Variants in RYR2 observed in about 807,000 individuals in gnomAD.
The protein encoded by RYR2 is ryanodine receptor 2, also known as cardiac muscle ryanodine receptor-calcium release channel.
A neutral mutation model predicts 601.1 loss-of-function variants in RYR2; 227 were observed. That is an observed-to-expected ratio of 0.38 (90% CI 0.34 to 0.42). The LOEUF (loss-of-function observed/expected upper bound fraction) is 0.42. RYR2 is among the 10% of genes least tolerant of loss of function. RYR2 has a pLI of 1.00. For synonymous variants in RYR2, 2,223 were observed against 2,175.1 expected (o/e 1.02, Z -0.61); for missense variants, 4,646 against 6,156.5 (o/e 0.75, Z 8.21).
rs537189999 is a variant in RYR2, at chr1:237,276,037, A to G, written c.168+5421A>G. ...ATGAACATGTGATGTTTTAGAATGCATGGGATATAGCTAAAGAAGTTATCA... is the reference window on the plus strand; with the variant it reads ...ATGAACATGTGATGTTTTAGAATGCGTGGGATATAGCTAAAGAAGTTATCA... On this transcript the variant is annotated intron_variant, in intron 2 of 104. Coordinates refer to ENST00000366574, the MANE Select transcript of RYR2 (RefSeq NM_001035.3). 4.6e-5 allele frequency among the ~76,000 whole-genome samples: 7 copies of G among 152,344 alleles called. No homozygotes were observed. In the South Asian group the frequency reaches 1.4e-3, roughly 32 times the overall value.
rs1036017629 is a variant in RYR2, at chr1:237,239,388, G to A, written c.49-31109G>A. ...CTTCTGGTTCCATGGTGAAATGCAC[G>A]GGGTTTTATAGAGTAGCTTGAGGAG... On this transcript the variant is annotated intron_variant, in intron 1 of 104. Transcript: ENST00000366574. Among the ~76,000 whole-genome samples the A allele has an allele frequency of 6.4e-4, 97 of 152,226 alleles. 1 individual carries two copies. Among genetic ancestry groups the A allele is most frequent in the African/African-American group, 2.2e-3 (91 of 41,532 alleles).
intron 82 of RYR2, 120 bp downstream of exon 82, chr1:237,757,896 C>A: frequency 1.6e-6 from 1 of 643,060 alleles, no homozygotes; most frequent in Middle Eastern, 2.7e-4. Context: ...TTTAGTTTAC[C>A]ACAGTACTGA....
At chr1:237,374,315 G>A (rs567983046) in intron 6 of RYR2, among the ~76,000 whole-genome samples, 1 of 151,684 alleles carries the variant, frequency 6.6e-6, no homozygotes, top group African/African-American at 2.4e-5. Context: ...GAGTTTAGGA[G>A]TTTGAGATCA....
chr1:237,789,868 C>T (rs1658165174), intron 92 of RYR2, among the ~76,000 whole-genome samples: 1 of 152,178 alleles, frequency 6.6e-6, no homozygotes, highest in African/African-American at 2.4e-5. Context: ...GCCTAGCTAA[C>T]TCAGCCTCTG....
At chr1:237,616,364 A>G (rs754073519) in intron 37 of RYR2, among the ~76,000 whole-genome samples, 21 of 152,204 alleles carry the variant, frequency 1.4e-4, no homozygotes, top group Non-Finnish European at 3.1e-4. Flanking sequence ...TTTGGTTTTC[A>G]GTAGGAGAAA....
intron 12 of RYR2, among the ~76,000 whole-genome samples, chr1:237,429,221 C>A (rs952387391): frequency 6.6e-6 from 1 of 152,138 alleles, no homozygotes; most frequent in African/African-American, 2.4e-5. Flanking sequence ...AGCATTCTCT[C>A]TAGTTGATCT....
intron 1 of RYR2, among the ~76,000 whole-genome samples, chr1:237,260,929 TA>T (rs1688448201): frequency 6.6e-6 from 1 of 152,236 alleles, no homozygotes; most frequent in African/African-American, 2.4e-5. Context: ...GCCTGTATTT[TA>T]AATGAATAAA....
intron 1 of RYR2, among the ~76,000 whole-genome samples, chr1:237,130,128 G>A (rs1482442430): frequency 6.6e-6 from 1 of 152,120 alleles, no homozygotes; most frequent in South Asian, 2.1e-4. Flanking sequence ...GGTATGTGAG[G>A]TGATAGATAT....
chr1:237,659,400 T>G (rs1683558579), intron 54 of RYR2, among the ~76,000 whole-genome samples: 1 of 152,140 alleles, frequency 6.6e-6, no homozygotes, highest in Non-Finnish European at 1.5e-5. Flanking sequence ...GACAAGAAAT[T>G]ATATAGGGAA....
intron 1 of RYR2, among the ~76,000 whole-genome samples, chr1:237,055,252 G>T (rs1346624652): frequency 6.6e-6 from 1 of 152,162 alleles, no homozygotes; most frequent in Non-Finnish European, 1.5e-5. Flanking sequence ...GGAGCCCTGA[G>T]ACCAGGGTCA....
Position 237,180,008 on chromosome 1 carries a change from G to C in RYR2, c.49-90489G>C, listed in dbSNP as rs1678523190. ...GCAGTGGCTTTCTGATCAAATTTCG[G>C]GTCTTGACACAGCAAGTGATAAAGC... On this transcript the variant is annotated intron_variant, in intron 1 of 104. Transcript: ENST00000366574. This position sits in a 1 kb window ranked among gnomAD's most constrained non-coding sequence, Gnocchi z 5.3. 6.6e-6 allele frequency among the ~76,000 whole-genome samples: 1 copy of C among 151,974 alleles called. No homozygotes were observed. Among genetic ancestry groups the C allele is most frequent in the Non-Finnish European group, 1.5e-5 (1 of 68,022 alleles).
intron 2 of RYR2, among the ~76,000 whole-genome samples, chr1:237,306,610 C>A (rs1377266430): frequency 1.3e-5 from 2 of 150,936 alleles, no homozygotes; most frequent in Non-Finnish European, 2.9e-5. Flanking sequence ...GTGTGATAAA[C>A]ATCTTTCTCC....
At chr1:237,253,971 GT>G (rs1687715223) in intron 1 of RYR2, among the ~76,000 whole-genome samples, 1 of 152,142 alleles carries the variant, frequency 6.6e-6, no homozygotes, top group Non-Finnish European at 1.5e-5. Context: ...ATTTCACTGT[GT>G]TTTTCAAAAG....
intron 60 of RYR2, among the ~76,000 whole-genome samples, chr1:237,676,488 A>G (rs1351114690): frequency 1.3e-5 from 2 of 152,130 alleles, no homozygotes; most frequent in Non-Finnish European, 2.9e-5. Flanking sequence ...AGCCCAGCCA[A>G]ATAACCTTTT....
intron 25 of RYR2, among the ~76,000 whole-genome samples, chr1:237,536,724 A>C (rs1209021906): frequency 5.5e-5 from 8 of 146,210 alleles, no homozygotes. Flanking sequence ...CAAAAAAAAA[A>C]AAAAAAAAAA....
intron 79 of RYR2, among the ~76,000 whole-genome samples, chr1:237,741,472 G>T (rs565062253): frequency 5.1e-4 from 77 of 152,300 alleles, no homozygotes; most frequent in African/African-American, 1.8e-3. Flanking sequence ...TAACTTTGAT[G>T]AGCTGTAGGG....
chr1:237,612,248 G>A (rs556156421), intron 36 of RYR2, among the ~76,000 whole-genome samples: 17 of 152,180 alleles, frequency 1.1e-4, no homozygotes, highest in Middle Eastern at 3.4e-3. Context: ...CTTTAGAAAC[G>A]AAAAGTAGAT....
At position 237,399,608 on chromosome 1, in the gene RYR2, G is replaced by A. The variant is rs561124898; in HGVS notation, c.773+11425G>A. On this transcript the variant is annotated intron_variant, in intron 10 of 104. Coordinates refer to ENST00000366574, the MANE Select transcript of RYR2 (RefSeq NM_001035.3). ...GGTGTCACTCACATCAATCAAGTTCGCAAGTGCACACAGAACAAAGGAGAC... is the reference window on the plus strand; with the variant it reads ...GGTGTCACTCACATCAATCAAGTTCACAAGTGCACACAGAACAAAGGAGAC... 1.6e-4 allele frequency among the ~76,000 whole-genome samples: 24 copies of A among 152,264 alleles called. 1 individual carries two copies. The East Asian group carries it at 3.3e-3, about 21-fold the overall frequency.
chr1:237,530,215 G>A (rs987064108), intron 24 of RYR2, among the ~76,000 whole-genome samples: 4 of 152,100 alleles, frequency 2.6e-5, no homozygotes, highest in Admixed American at 2.6e-4. Flanking sequence ...GGAGGTTGAG[G>A]CAGGAGAATG....
Sources: gnomAD v4.1 joint callset for allele counts (sites outside exome capture counted in the v4.1 genomes callset) on GRCh38, gnomAD v4.1.1 for gene constraint, Gnocchi (gnomAD v3.1) non-coding constraint, MANE v1.5 for transcripts, NCBI Gene and HGNC (gene_info 2026-07-23, HGNC 2026-07-21) for gene names.